Variants in KHDRBS2 observed in about 807,000 individuals in gnomAD.
The protein encoded by KHDRBS2 is KH RNA binding domain containing, signal transduction associated 2.
Under a neutral mutation model 44.3 loss-of-function variants are expected in KHDRBS2, and 26 were observed. That is an observed-to-expected ratio of 0.59 (90% CI 0.43 to 0.81). The LOEUF is 0.81. Ranked by LOEUF, KHDRBS2 falls within the 40% of genes least tolerant of loss-of-function variation. The probability of loss-of-function intolerance (pLI) is 0.00; values close to 1 mark genes in which losing one functional copy is unlikely to be tolerated. For synonymous variants in KHDRBS2, 194 were observed against 151.1 expected (o/e 1.28, Z -2.08); for missense variants, 476 against 433.1 (o/e 1.10, Z -0.88).
chr6:62,101,460 T>C (rs1204065738), intron 2 of KHDRBS2, among the ~76,000 whole-genome samples: 4 of 152,152 alleles, frequency 2.6e-5, no homozygotes, highest in African/African-American at 4.8e-5. Flanking sequence ...TCACTTTGAC[T>C]GCTGTGTTGT....
chr6:61,607,547 A>AAAAAAAAAG, the KHDRBS2 span, among the ~76,000 whole-genome samples: 7 of 140,212 alleles, frequency 5.0e-5, no homozygotes, highest in Admixed American at 7.1e-5. Flanking sequence ...AAAAAAAAAG[A>AAAAAAAAAG]TGTGTGAGAA....
intron 6 of KHDRBS2, among the ~76,000 whole-genome samples, chr6:61,757,490 A>G (rs1475845601): frequency 6.6e-6 from 1 of 152,098 alleles, no homozygotes; most frequent in Non-Finnish European, 1.5e-5. Flanking sequence ...TGTTTTTTGT[A>G]GGCTGCATAC....
chr6:62,237,964 G>C (rs1479917384), intron 1 of KHDRBS2, among the ~76,000 whole-genome samples: 1 of 151,002 alleles, frequency 6.6e-6, no homozygotes, highest in East Asian at 1.9e-4. Flanking sequence ...ACTTGAACCT[G>C]GGAGGCGGAG....
chr6:61,719,466 G>GA (rs916872910), intron 7 of KHDRBS2, among the ~76,000 whole-genome samples: 11 of 148,640 alleles, frequency 7.4e-5, no homozygotes, highest in South Asian at 2.1e-4. Flanking sequence ...GGAGTATGTA[G>GA]AAAAAAAAAG....
At chr6:61,786,662 T>G (rs1783865117) in intron 6 of KHDRBS2, among the ~76,000 whole-genome samples, 1 of 151,954 alleles carries the variant, frequency 6.6e-6, no homozygotes, top group African/African-American at 2.4e-5. Flanking sequence ...TTTTACGACC[T>G]AATAATTCTA....
At chr6:61,733,463 T>C (rs1470502054) in intron 6 of KHDRBS2, among the ~76,000 whole-genome samples, 1 of 151,880 alleles carries the variant, frequency 6.6e-6, no homozygotes, top group Non-Finnish European at 1.5e-5. Flanking sequence ...GGCGTGGTGG[T>C]GTGCACCTGT....
chr6:62,198,763 G>A (rs1468636438), intron 1 of KHDRBS2, among the ~76,000 whole-genome samples: 1 of 152,110 alleles, frequency 6.6e-6, no homozygotes, highest in African/African-American at 2.4e-5. Context: ...TGATACCAAA[G>A]CCTGGCAGAG....
In KHDRBS2 at chr6:61,747,765, T is replaced by G. The variant is rs116140285; in HGVS notation, c.811-15001A>C. Among the ~76,000 whole-genome samples the G allele has an allele frequency of 6.4e-3, 977 of 152,278 alleles. 14 individuals are homozygous for G. Among genetic ancestry groups the G allele is most frequent in the African/African-American group, 0.022 (903 of 41,566 alleles). ...TTAACAATGCCCTTGTAGTCATCTTTAACCTCTGGTACATAAGAGTAAAAA... is the reference window on the plus strand; with the variant it reads ...TTAACAATGCCCTTGTAGTCATCTTGAACCTCTGGTACATAAGAGTAAAAA... On this transcript the variant is annotated intron_variant, in intron 6 of 8. Coordinates refer to ENST00000281156, the MANE Select transcript of KHDRBS2 (RefSeq NM_152688.4).
At chr6:61,626,658 C>A in the KHDRBS2 span, among the ~76,000 whole-genome samples, 1 of 152,182 alleles carries the variant, frequency 6.6e-6, no homozygotes, top group Non-Finnish European at 1.5e-5. Flanking sequence ...TATTTCTATT[C>A]AAGATGAAGT....
At chr6:61,941,622 C>T (rs1039844379) in intron 4 of KHDRBS2, among the ~76,000 whole-genome samples, 3 of 152,090 alleles carry the variant, frequency 2.0e-5, no homozygotes, top group Non-Finnish European at 2.9e-5. Context: ...TAACTGCTCC[C>T]TAAGCCACCA....
intron 2 of KHDRBS2, among the ~76,000 whole-genome samples, chr6:62,082,901 C>A (rs1797674760): frequency 6.6e-6 from 1 of 152,020 alleles, no homozygotes; most frequent in Non-Finnish European, 1.5e-5. Flanking sequence ...GTGAGATACC[C>A]CCGGAATCCA....
At chr6:62,079,554 G>C (rs1796998923) in intron 2 of KHDRBS2, among the ~76,000 whole-genome samples, 1 of 152,018 alleles carries the variant, frequency 6.6e-6, no homozygotes, top group African/African-American at 2.4e-5. Flanking sequence ...AATGGCACTG[G>C]ATTCAGTTGT....
the KHDRBS2 span, among the ~76,000 whole-genome samples, chr6:61,553,645 C>A: frequency 2.0e-5 from 3 of 152,164 alleles, no homozygotes; most frequent in Non-Finnish European, 4.4e-5. Flanking sequence ...ATGTTTAGTG[C>A]TATAAATTTC....
chr6:62,213,220 T>G (rs1315754353), intron 1 of KHDRBS2, among the ~76,000 whole-genome samples: 1 of 152,136 alleles, frequency 6.6e-6, no homozygotes, highest in Non-Finnish European at 1.5e-5. Context: ...GTTTCAATAT[T>G]TTTTTGCCTT....
chr6:62,065,378 C>T (rs1349180412), intron 2 of KHDRBS2, among the ~76,000 whole-genome samples: 1 of 151,468 alleles, frequency 6.6e-6, no homozygotes, highest in Non-Finnish European at 1.5e-5. Context: ...GACTTGGAAC[C>T]AACCCAAATG....
chr6:61,957,666 A>C (rs1767705533), intron 4 of KHDRBS2, among the ~76,000 whole-genome samples: 1 of 152,182 alleles, frequency 6.6e-6, no homozygotes, highest in Admixed American at 6.5e-5. Context: ...AGATGTTATC[A>C]ATGACAATGT....
At position 62,169,059 on chromosome 6, in the gene KHDRBS2, A is replaced by ATATATATATATATATATATATG. The variant is rs1338584117; in HGVS notation, c.219+8125_219+8126insCATATATATATATATATATATA. ...CATATATATATATATATATATATAT[A>ATATATATATATATATATATATG]TATGTATACATGAATATAAATATAT... On this transcript the variant is annotated intron_variant, in intron 2 of 8. Transcript: ENST00000281156. Among the ~76,000 whole-genome samples, 159 of 139,556 alleles carry ATATATATATATATATATATATG rather than the reference A, an allele frequency of 1.1e-3. 1 individual carries two copies. Among genetic ancestry groups the ATATATATATATATATATATATG allele is most frequent in the Non-Finnish European group, 1.6e-3 (104 of 64,280 alleles). 91.6% of individuals were successfully genotyped at this position (139,556 alleles called of 152,430 possible). A position where few individuals can be genotyped will look rare whatever the true frequency, so the allele number is the denominator to read the frequency against.
At chr6:61,701,923 A>G (rs186390769) in intron 7 of KHDRBS2, among the ~76,000 whole-genome samples, 55 of 152,090 alleles carry the variant, frequency 3.6e-4, no homozygotes, top group African/African-American at 1.1e-3. Context: ...CAGGTTGCCA[A>G]ATTGTAAAGA....
the KHDRBS2 span, among the ~76,000 whole-genome samples, chr6:61,627,110 G>A: frequency 0.59 from 89,088 of 150,612 alleles, 26,533 homozygotes; most frequent in Non-Finnish European, 0.61. Flanking sequence ...AAAATTAGCC[G>A]GGCGTGGTAG....
Sources: allele counts gnomAD v4.1 joint callset (sites outside exome capture counted in the v4.1 genomes callset), GRCh38; gene constraint gnomAD v4.1.1; transcripts MANE v1.5; gene names NCBI Gene and HGNC (gene_info 2026-07-23, HGNC 2026-07-21).